SDK1: variants seen among roughly 807,000 people sequenced by gnomAD.
SDK1 encodes sidekick cell adhesion molecule 1.
Under a neutral mutation model 245.5 loss-of-function variants are expected in SDK1, and 157 were observed. The observed-to-expected ratio is 0.64, with a 90% CI of 0.56 to 0.73. The LOEUF (loss-of-function observed/expected upper bound fraction) is 0.73. Among genes scored for constraint, SDK1 ranks in the 30% least tolerant of loss-of-function variants. The probability of loss-of-function intolerance (pLI) is 0.00; values close to 1 mark genes in which losing one functional copy is unlikely to be tolerated. For missense variants in SDK1, 3,583 were observed against 3,002.3 expected, an observed-to-expected ratio of 1.19 and a Z score of -4.52; for synonymous variants, 1,647 against 1,278.5, an observed-to-expected ratio of 1.29 and a Z score of -6.15.
At chr7:3,724,984 C>T (rs757086342) in intron 4 of SDK1, among the ~76,000 whole-genome samples, 35 of 152,218 alleles carry the variant, frequency 2.3e-4, no homozygotes, top group Non-Finnish European at 4.4e-5. Flanking sequence ...ACAGCCAGCT[C>T]AGCTGCCTCA....
intron 5 of SDK1, among the ~76,000 whole-genome samples, chr7:3,934,392 C>T (rs996209095): frequency 4.6e-5 from 7 of 152,192 alleles, no homozygotes; most frequent in African/African-American, 1.7e-4. Flanking sequence ...TTTCTAGTTA[C>T]AGATACTGTT....
intron 1 of SDK1, among the ~76,000 whole-genome samples, chr7:3,537,911 A>G (rs1326238479): frequency 2.0e-5 from 3 of 152,140 alleles, no homozygotes; most frequent in Admixed American, 6.5e-5. Flanking sequence ...GGTGGCAGAT[A>G]CCCCAGAGTC....
chr7:4,199,350 C>T (rs1013358410), intron 35 of SDK1, among the ~76,000 whole-genome samples: 49 of 152,100 alleles, frequency 3.2e-4, no homozygotes, highest in African/African-American at 1.2e-3. Flanking sequence ...GCTCAAGCGT[C>T]TTTTAACTTT....
At chr7:3,488,457 C>G (rs1318933873) in intron 1 of SDK1, among the ~76,000 whole-genome samples, 1 of 152,010 alleles carries the variant, frequency 6.6e-6, no homozygotes, top group African/African-American at 2.4e-5. Context: ...TATTTTTGTC[C>G]TGAATTTCAG....
At chr7:3,592,703 G>A (rs920560741) in intron 1 of SDK1, among the ~76,000 whole-genome samples, 5 of 152,150 alleles carry the variant, frequency 3.3e-5, no homozygotes, top group African/African-American at 9.7e-5. Flanking sequence ...GTGGGGACTC[G>A]CGCTGTGGGA....
chr7:4,151,209 C>T (rs1286483184), intron 30 of SDK1, among the ~76,000 whole-genome samples: 1 of 152,184 alleles, frequency 6.6e-6, no homozygotes, highest in Non-Finnish European at 1.5e-5. Context: ...CCCAGGCCCC[C>T]ATTGGAGACC....
intron 1 of SDK1, among the ~76,000 whole-genome samples, chr7:3,395,841 T>G (rs915406172): frequency 1.3e-5 from 2 of 151,870 alleles, no homozygotes; most frequent in African/African-American, 4.8e-5. Context: ...CTCTCTTTCA[T>G]TCCTGATTTT....
intron 4 of SDK1, among the ~76,000 whole-genome samples, chr7:3,764,500 A>G (rs1025133908): frequency 6.6e-6 from 1 of 152,096 alleles, no homozygotes; most frequent in Admixed American, 6.5e-5. Context: ...AGCCTGACCA[A>G]CATGGTGAAA....
chr7:3,557,672 A>G (rs1355019764), intron 1 of SDK1, among the ~76,000 whole-genome samples: 2 of 152,204 alleles, frequency 1.3e-5, no homozygotes, highest in Admixed American at 1.3e-4. Flanking sequence ...AAATGTTGCC[A>G]TTGGGGATAA....
intron 1 of SDK1, among the ~76,000 whole-genome samples, chr7:3,376,160 G>C (rs777766660): frequency 3.9e-5 from 6 of 152,078 alleles, no homozygotes; most frequent in Non-Finnish European, 7.4e-5. Flanking sequence ...TCATGCCTCT[G>C]CACTCCAGCC....
chr7:4,236,209 T>C (rs1786155447), intron 41 of SDK1, among the ~76,000 whole-genome samples: 1 of 152,222 alleles, frequency 6.6e-6, no homozygotes, highest in Non-Finnish European at 1.5e-5. Context: ...GGGCTTTGCC[T>C]GTGAGAGGCT....
At chr7:4,166,047 C>G (rs1354070386) in intron 32 of SDK1, among the ~76,000 whole-genome samples, 1 of 152,168 alleles carries the variant, frequency 6.6e-6, no homozygotes, top group Admixed American at 6.5e-5. Flanking sequence ...CCTTGACCTC[C>G]CAAAGTGCTG....
Position 4,145,861 on chromosome 7 carries a change from G to A in SDK1, c.4368G>A (p.Thr1456=), listed in dbSNP as rs767370460. 27 of 1,613,522 alleles carry A rather than the reference G, an allele frequency of 1.7e-5. No homozygotes were observed. The highest frequency in any genetic ancestry group is 1.6e-4 in the South Asian group (15 of 91,056). The change falls in exon 29 of 45, where the codon ACG becomes ACA. Residue 1456 remains threonine, a synonymous_variant. Transcript: ENST00000404826. ...ACATCTTCAGGCTGTCCGCCAAGAC[G>A]AGGCAGGGCTGGGGGGAGCCACTGG... ...SAYIFRLSAK[T]RQGWGEPLEA...
chr7:4,118,549 C>G (rs990394456), intron 25 of SDK1, among the ~76,000 whole-genome samples: 2 of 152,166 alleles, frequency 1.3e-5, no homozygotes, highest in African/African-American at 4.8e-5. Flanking sequence ...AGGGAGTCAC[C>G]ATACGACAAA....
intron 1 of SDK1, among the ~76,000 whole-genome samples, chr7:3,608,812 A>T (rs1165313813): frequency 6.6e-6 from 1 of 152,270 alleles, no homozygotes; most frequent in Non-Finnish European, 1.5e-5. Flanking sequence ...AACCTTTATG[A>T]AACTGACACT....
At chr7:3,548,072 G>A (rs186055102) in intron 1 of SDK1, among the ~76,000 whole-genome samples, 7 of 152,280 alleles carry the variant, frequency 4.6e-5, no homozygotes, top group Non-Finnish European at 7.4e-5. Context: ...AAATTGTAGT[G>A]TAGGGCAACT....
chr7:3,572,791 G>A (rs1308027576), intron 1 of SDK1, among the ~76,000 whole-genome samples: 4 of 151,994 alleles, frequency 2.6e-5, no homozygotes, highest in Admixed American at 1.3e-4. Context: ...ACAAGTGCGT[G>A]GGCTAAACAG....
intron 5 of SDK1, among the ~76,000 whole-genome samples, chr7:3,898,180 A>G (rs111568756): frequency 6.6e-6 from 1 of 152,164 alleles, no homozygotes; most frequent in Admixed American, 6.5e-5. Flanking sequence ...CGGTGCTTTA[A>G]TTACTCAGTG....
At chr7:3,449,937 A>G (rs955464648) in intron 1 of SDK1, among the ~76,000 whole-genome samples, 4 of 152,050 alleles carry the variant, frequency 2.6e-5, no homozygotes, top group Non-Finnish European at 5.9e-5. Flanking sequence ...ATGCCATGAA[A>G]ACGTAGAGGG....
Sources: allele counts gnomAD v4.1 joint callset (sites outside exome capture counted in the v4.1 genomes callset), GRCh38; gene constraint gnomAD v4.1.1; transcripts MANE v1.5; gene names NCBI Gene and HGNC (gene_info 2026-07-23, HGNC 2026-07-21).